The following PHACTR3 variants were observed in gnomAD, a reference collection of about 807,000 sequenced individuals.
PHACTR3 encodes the protein phosphatase and actin regulator 3, also known as protein phosphatase 1, regulatory subunit 123.
A neutral mutation model predicts 66.8 loss-of-function variants in PHACTR3; 16 were observed. The observed-to-expected ratio is 0.24, with a 90% CI of 0.16 to 0.36. PHACTR3 has a LOEUF of 0.36. PHACTR3 is among the 10% of genes least tolerant of loss of function. PHACTR3 has a pLI of 1.00. For missense variants in PHACTR3, 647 were observed against 719.9 expected (o/e 0.90, Z 1.16); for synonymous variants, 323 against 292.1 (o/e 1.11, Z -1.08).
At chr20:59,726,297 C>T (rs1376730623) in intron 1 of PHACTR3, among the ~76,000 whole-genome samples, 4 of 152,174 alleles carry the variant, frequency 2.6e-5, no homozygotes, top group Admixed American at 1.3e-4. Flanking sequence ...AATCCTACTT[C>T]TGCTAAGGGC....
At chr20:59,666,627 G>GAAGA (rs1448571626) in intron 1 of PHACTR3, among the ~76,000 whole-genome samples, 1 of 151,744 alleles carries the variant, frequency 6.6e-6, no homozygotes, top group East Asian at 1.9e-4. Context: ...AGAGACAGAG[G>GAAGA]AAGAAAGAGA....
intron 8 of PHACTR3, among the ~76,000 whole-genome samples, chr20:59,809,529 A>T (rs560066013): frequency 6.6e-6 from 1 of 152,146 alleles, no homozygotes; most frequent in East Asian, 1.9e-4. Flanking sequence ...AATGATTTTT[A>T]GGAGTTTACT....
chr20:59,729,218 G>A (rs1292505197), intron 1 of PHACTR3, among the ~76,000 whole-genome samples: 1 of 152,242 alleles, frequency 6.6e-6, no homozygotes, highest in South Asian at 2.1e-4. Context: ...ACCTGGGAGC[G>A]ATGAGGGAGA....
intron 1 of PHACTR3, among the ~76,000 whole-genome samples, chr20:59,623,001 A>AAAAAAAAAAAAAAAAAAAAAAAAG (rs1568940633): frequency 6.9e-6 from 1 of 144,802 alleles, no homozygotes; most frequent in Non-Finnish European, 1.5e-5. Flanking sequence ...AAAAAAAAAA[A>AAAAAAAAAAAAAAAAAAAAAAAAG]CCCAAATCTT....
At chr20:59,621,110 G>A (rs1204365158) in intron 1 of PHACTR3, among the ~76,000 whole-genome samples, 1 of 152,224 alleles carries the variant, frequency 6.6e-6, no homozygotes, top group Non-Finnish European at 1.5e-5. Context: ...CTTTCTGGCA[G>A]CATAAGACGC....
At chr20:59,745,418 G>A (rs1031370303) in intron 2 of PHACTR3, among the ~76,000 whole-genome samples, 5 of 152,204 alleles carry the variant, frequency 3.3e-5, no homozygotes, top group Non-Finnish European at 7.3e-5. Flanking sequence ...AGATGCTCTG[G>A]GGACCCTGCA....
intron 1 of PHACTR3, among the ~76,000 whole-genome samples, chr20:59,675,784 T>C (rs2036430773): frequency 1.3e-5 from 2 of 152,120 alleles, no homozygotes; most frequent in African/African-American, 4.8e-5. Context: ...TGGTCCCAAA[T>C]GTCACCAGTG....
At chr20:59,628,499 C>T (rs1402622082) in intron 1 of PHACTR3, 1 of 365,484 alleles carries the variant, frequency 2.7e-6, no homozygotes, top group Non-Finnish European at 3.8e-6. Flanking sequence ...AGGCTTTGGC[C>T]CTCGGAGTGC....
At chr20:59,628,716 G>A in intron 1 of PHACTR3, 1 of 985,512 alleles carries the variant, frequency 1.0e-6, no homozygotes, top group Non-Finnish European at 1.2e-6. Flanking sequence ...ATTCCCCATA[G>A]TACCTACTAG....
chr20:59,603,397 C>G (rs2033537237), upstream of PHACTR3: 1 of 152,408 alleles, frequency 6.6e-6, no homozygotes, highest in African/African-American at 2.4e-5. Context: ...GCTGAAATAA[C>G]TGCTGCTAAG....
At chr20:59,744,068 C>T (rs751372587) in intron 2 of PHACTR3, among the ~76,000 whole-genome samples, 14 of 152,168 alleles carry the variant, frequency 9.2e-5, no homozygotes, top group Non-Finnish European at 1.9e-4. Context: ...GCAGTGATGA[C>T]GGGACAAGCA....
At chr20:59,628,798 G>T (rs6128647) in intron 1 of PHACTR3, 14 of 985,284 alleles carry the variant, frequency 1.4e-5, no homozygotes, top group Non-Finnish European at 1.6e-5. Flanking sequence ...ACAGCCCTGC[G>T]CTGGGAAGAG....
intron 7 of PHACTR3, among the ~76,000 whole-genome samples, chr20:59,783,392 C>A (rs2040796347): frequency 6.6e-6 from 1 of 152,162 alleles, no homozygotes; most frequent in African/African-American, 2.4e-5. Flanking sequence ...AACGCACAGC[C>A]CCAGTGACAA....
chr20:59,756,720 C>T (rs1387243516), intron 4 of PHACTR3, among the ~76,000 whole-genome samples: 3 of 151,818 alleles, frequency 2.0e-5, no homozygotes, highest in Non-Finnish European at 4.4e-5. Context: ...ATGTGCACAA[C>T]GTGCAGGTTT....
chr20:59,733,905 G>A lies in PHACTR3; in HGVS notation c.119-9202G>A, dbSNP rs781154959. ...ACAGTGATGACAAAAACAAACCTTC[G>A]TATTCCTTGGCTCTTCCATATGTGT... On this transcript the variant is annotated intron_variant, in intron 1 of 12. Transcript: ENST00000371015. 1.8e-4 allele frequency among the ~76,000 whole-genome samples: 28 copies of A among 152,012 alleles called. 1 individual carries two copies. The highest frequency in any genetic ancestry group is 3.3e-4 in the Admixed American group (5 of 15,278).
intron 1 of PHACTR3, among the ~76,000 whole-genome samples, chr20:59,669,763 A>G (rs2036127390): frequency 6.6e-6 from 1 of 152,146 alleles, no homozygotes; most frequent in African/African-American, 2.4e-5. Flanking sequence ...ATTTGGCATC[A>G]TGTTTTCGAA....
chr20:59,698,656 G>A lies in PHACTR3; in HGVS notation c.119-44451G>A, dbSNP rs376526707. Among the ~76,000 whole-genome samples, 4 of 152,196 alleles carry A rather than the reference G, an allele frequency of 2.6e-5. No individual in the cohort carries two copies. In the East Asian group the frequency reaches 7.7e-4, roughly 29 times the overall value. On this transcript the variant is annotated intron_variant, in intron 1 of 12. Transcript: ENST00000371015. ...GGAGCTTAGAGAAGGGGAAAAGTTT[G>A]GATATCTAATGATTTTTATTTTAAG...
chr20:59,773,849 G>A (rs2040437851), intron 6 of PHACTR3, among the ~76,000 whole-genome samples: 1 of 152,240 alleles, frequency 6.6e-6, no homozygotes, highest in Non-Finnish European at 1.5e-5. Context: ...TGTGCCTGCA[G>A]CTTACTCTTA....
intron 1 of PHACTR3, among the ~76,000 whole-genome samples, chr20:59,690,522 G>C (rs199786182): frequency 9.9e-5 from 15 of 152,190 alleles, no homozygotes; most frequent in East Asian, 1.9e-4. Flanking sequence ...CCTTCAGCAT[G>C]GTGCTTCTTT....
Sources: allele counts gnomAD v4.1 joint callset (sites outside exome capture counted in the v4.1 genomes callset), GRCh38; gene constraint gnomAD v4.1.1; transcripts MANE v1.5; gene names NCBI Gene and HGNC (gene_info 2026-07-23, HGNC 2026-07-21).